SOD3: variants seen among roughly 807,000 people sequenced by gnomAD.
SOD3 encodes superoxide dismutase 3.
Under a neutral mutation model 2.6 loss-of-function variants are expected in SOD3, and 3 were observed. The observed-to-expected ratio is 1.13, with a 90% CI of 0.52 to 2.93. SOD3 has a LOEUF of 2.93. SOD3 is among the 30% of genes most tolerant of loss of function. SOD3 has a pLI of 0.04. For missense variants in SOD3, 379 were observed against 370.4 expected, an observed-to-expected ratio of 1.02 and a Z score of -0.19; for synonymous variants, 188 against 177.5, an observed-to-expected ratio of 1.06 and a Z score of -0.47.
chr4:24,796,460 T>TTC (rs1320686794), intron 1 of SOD3, among the ~76,000 whole-genome samples: 1 of 140,646 alleles, frequency 7.1e-6, no homozygotes, highest in Non-Finnish European at 1.5e-5. Flanking sequence ...TTTTTTTTTT[T>TTC]TGAGACATGG....
Position 24,799,869 on chromosome 4 carries a change from C to T in SOD3, c.348C>T (p.His116=), listed in dbSNP as rs766606372. The change falls in exon 2 of 2, where the codon CAC becomes CAT. Residue 116 remains histidine (H), a synonymous_variant. Coordinates refer to ENST00000382120, the MANE Select transcript of SOD3 (RefSeq NM_003102.4). ...PNSSSRAIHV[H]QFGDLSQGCE... ...GCTCCAGCCGCGCCATCCACGTGCA[C>T]CAGTTCGGGGACCTGAGCCAGGGCT... 8.7e-6 allele frequency: 14 copies of T among 1,602,850 alleles called. No homozygotes were observed. Among genetic ancestry groups the T allele is most frequent in the Admixed American group, 3.3e-5 (2 of 59,918 alleles).
At chr4:24,795,758 T>TC (rs1713637240) in intron 1 of SOD3, 107 bp downstream of exon 1, 1 of 152,426 alleles carries the variant, frequency 6.6e-6, no homozygotes, top group Non-Finnish European at 1.5e-5. Flanking sequence ...TGGATCATCT[T>TC]CTTGGGAAGG....
At chr4:24,796,435 CTTTTTTT>C (rs34368349) in intron 1 of SOD3, among the ~76,000 whole-genome samples, 12 of 71,976 alleles carry the variant, frequency 1.7e-4, no homozygotes, top group Non-Finnish European at 2.0e-4. Context: ...TCCTTCTTCT[CTTTTTTT>C]TTTTTTTTTT....
chr4:24,796,084 C>G (rs146325979), intron 1 of SOD3, among the ~76,000 whole-genome samples: 44 of 152,284 alleles, frequency 2.9e-4, no homozygotes, highest in African/African-American at 9.9e-4. Context: ...AGGGATGAAA[C>G]ACACCCAAGG....
intron 1 of SOD3, among the ~76,000 whole-genome samples, chr4:24,798,997 T>C (rs1052673866): frequency 2.0e-5 from 3 of 152,178 alleles, no homozygotes; most frequent in African/African-American, 7.2e-5. Context: ...TGAGTTTCTG[T>C]CTTCAAGAAG....
chr4:24,800,257 C>G lies in SOD3; in HGVS notation c.*13C>G. 1 of 1,383,522 alleles carries G rather than the reference C, an allele frequency of 7.2e-7. No individual in the cohort carries two copies. Among genetic ancestry groups the G allele is most frequent in the South Asian group, 1.7e-5 (1 of 58,124 alleles). 85.7% of individuals were successfully genotyped at this position (1,383,522 alleles called of 1,614,324 possible). A position where few individuals can be genotyped will look rare whatever the true frequency, so the allele number is the denominator to read the frequency against. ...CAAGGCCGCCTGAGCGCGGCCCCCA[C>G]CCGGCGGCGGCCAGGGACCCCCGAG... On this transcript the variant is annotated 3_prime_UTR_variant, in exon 2 of 2. Transcript: ENST00000382120.
In SOD3 at chr4:24,800,250, G is replaced by A; in HGVS notation, c.*6G>A. 7.2e-7 allele frequency: 1 copy of A among 1,385,974 alleles called. No homozygotes were observed. Among genetic ancestry groups the A allele is most frequent in the South Asian group, 1.7e-5 (1 of 58,620 alleles). 85.9% of individuals were successfully genotyped at this position (1,385,974 alleles called of 1,614,324 possible). A position where few individuals can be genotyped will look rare whatever the true frequency, so the allele number is the denominator to read the frequency against. On this transcript the variant is annotated 3_prime_UTR_variant, in exon 2 of 2. Coordinates refer to ENST00000382120, the MANE Select transcript of SOD3 (RefSeq NM_003102.4). ...GCGAGTGCAAGGCCGCCTGAGCGCG[G>A]CCCCCACCCGGCGGCGGCCAGGGAC...
chr4:24,797,763 C>T (rs1161205865), intron 1 of SOD3, among the ~76,000 whole-genome samples: 1 of 152,202 alleles, frequency 6.6e-6, no homozygotes, highest in Non-Finnish European at 1.5e-5. Flanking sequence ...TTATATAAAG[C>T]ATATCTACCC....
chr4:24,799,731 G>C lies in SOD3; in HGVS notation c.210G>C (p.Thr70=). ...CCTGCCAGGTGCAGCCGTCGGCCACGCTGGACGCCGCGCAGCCCCGGGTGA... is the reference window on the plus strand; with the variant it reads ...CCTGCCAGGTGCAGCCGTCGGCCACCCTGGACGCCGCGCAGCCCCGGGTGA... The part of the protein sequence containing the change: ...HAACQVQPSA[T]LDAAQPRVTG... Residue 70 remains threonine (T), a synonymous_variant, in exon 2 of 2, where the codon ACG becomes ACC. Transcript: ENST00000382120. 6 of 1,562,916 alleles carry C rather than the reference G, an allele frequency of 3.8e-6. No individual in the cohort carries two copies. Among genetic ancestry groups the C allele is most frequent in the Non-Finnish European group, 4.3e-6 (5 of 1,159,712 alleles).
chr4:24,796,448 T>TTC (rs1713664225), intron 1 of SOD3, among the ~76,000 whole-genome samples: 1 of 131,288 alleles, frequency 7.6e-6, no homozygotes, highest in Non-Finnish European at 1.6e-5. Context: ...TTTTTTTTTT[T>TTC]TTTTTTTTTT....
intron 1 of SOD3, among the ~76,000 whole-genome samples, chr4:24,796,324 T>C (rs1417701655): frequency 6.6e-6 from 1 of 151,940 alleles, no homozygotes; most frequent in African/African-American, 2.4e-5. Flanking sequence ...AAGAATCAAG[T>C]TGGTCCCGAG....
rs1262518671 is a variant in SOD3, at chr4:24,795,611, C to T, written c.-57C>T. 7.2e-5 allele frequency: 11 copies of T among 152,344 alleles called. No homozygotes were observed. Among genetic ancestry groups the T allele is most frequent in the Admixed American group, 3.3e-4 (5 of 15,280 alleles). 9.4% of individuals were successfully genotyped at this position (152,344 alleles called of 1,614,324 possible). ...GTTCCTGGGCTGGCTGGGTGCAGCT[C>T]TCTTTTCAGGAGAGAAAGCTCTCTT... On this transcript the variant is annotated 5_prime_UTR_variant, in exon 1 of 2. Transcript: ENST00000382120.
intron 1 of SOD3, among the ~76,000 whole-genome samples, chr4:24,799,136 G>A (rs931841936): frequency 1.3e-5 from 2 of 152,268 alleles, no homozygotes; most frequent in African/African-American, 4.8e-5. Flanking sequence ...TGGAGGAAGA[G>A]GGTAACAGGA....
Position 24,800,048 on chromosome 4 carries a change from G to A in SOD3, c.527G>A (p.Arg176Gln). The A allele has an allele frequency of 1.4e-6, 2 of 1,471,638 alleles. No homozygotes were observed. The highest frequency in any genetic ancestry group is 5.6e-5 in the East Asian group (2 of 35,742). 91.2% of individuals were successfully genotyped at this position (1,471,638 alleles called of 1,614,324 possible). ...GCGGGCCCGCACTCCATCGTGGGCCGGGCCGTGGTCGTCCACGCTGGCGAG... is the reference window on the plus strand; with the variant it reads ...GCGGGCCCGCACTCCATCGTGGGCCAGGCCGTGGTCGTCCACGCTGGCGAG... ...SLAGPHSIVG[R>Q]AVVVHAGEDD... is the part of the protein sequence containing the mutation. The change falls in exon 2 of 2, where the codon CGG becomes CAG. Residue 176 changes from arginine (R) to glutamine (Q), a missense_variant. Physicochemically the swap from Arg to Gln is conservative, Grantham distance 43. Transcript: ENST00000382120.
chr4:24,800,343 C>T lies in SOD3; in HGVS notation c.*99C>T. The T allele has an allele frequency of 5.8e-6, 7 of 1,207,670 alleles. No individual in the cohort carries two copies. The highest frequency in any genetic ancestry group is 6.4e-6 in the Non-Finnish European group (6 of 934,902). The allele number at this position is 1,207,670 out of a possible 1,614,324, so 74.8% of individuals were successfully genotyped here. On this transcript the variant is annotated 3_prime_UTR_variant, in exon 2 of 2. Transcript: ENST00000382120. ...ACAGACACCCTCCACTCTGAGGTCT[C>T]ACCTTCGCCTTTGCTGAAGTCTCCC...
Position 24,799,913 on chromosome 4 carries a change from A to T in SOD3, c.392A>T (p.His131Leu). ...CAGGGCTGCGAGTCCACCGGGCCCCACTACAACCCGCTGGCCGTGCCGCAC... is the reference window on the plus strand; with the variant it reads ...CAGGGCTGCGAGTCCACCGGGCCCCTCTACAACCCGCTGGCCGTGCCGCAC... ...LSQGCESTGP[H>L]YNPLAVPHPQ... Residue 131 changes from histidine to leucine, a missense_variant, in exon 2 of 2, where the codon CAC (histidine) becomes CTC (leucine). His to Leu is a moderately conservative substitution (Grantham distance 99). Coordinates refer to ENST00000382120, the MANE Select transcript of SOD3 (RefSeq NM_003102.4). The T allele has an allele frequency of 6.3e-7, 1 of 1,599,726 alleles. No homozygotes were observed.
At position 24,800,007 on chromosome 4, in the gene SOD3, C is replaced by T; in HGVS notation, c.486C>T (p.Gly162=). Residue 162 remains glycine, a synonymous_variant, in exon 2 of 2, where the codon GGC becomes GGT. Transcript: ENST00000382120. ...GCAGCCTCTGGAGGTACCGCGCCGG[C>T]CTGGCCGCCTCGCTCGCGGGCCCGC... ...RDGSLWRYRA[G]LAASLAGPHS... is the part of the protein sequence containing the mutation. 2.6e-6 allele frequency: 4 copies of T among 1,554,554 alleles called. No homozygotes were observed. Among genetic ancestry groups the T allele is most frequent in the Non-Finnish European group, 3.4e-6 (4 of 1,160,212 alleles).
chr4:24,797,185 T>G (rs899596422), intron 1 of SOD3, among the ~76,000 whole-genome samples: 1 of 152,136 alleles, frequency 6.6e-6, no homozygotes, highest in Non-Finnish European at 1.5e-5. Context: ...CTCTCTCTGA[T>G]AGCTAAGAGC....
Position 24,799,627 on chromosome 4 carries a change from C to T in SOD3, c.106C>T (p.Arg36Ter), listed in dbSNP as rs953258602. ...EPNSDSAEWI[R>*]DMYAKVTEIW... ...CAACTCTGACTCGGCGGAGTGGATC[C>T]GAGACATGTACGCCAAGGTCACGGA... Residue 36 changes from arginine to a stop codon, truncating the protein, a stop_gained, in exon 2 of 2, where the codon CGA (arginine) becomes TGA (stop). Transcript: ENST00000382120. LOFTEE classifies it low-confidence loss of function (END_TRUNC). The T allele has an allele frequency of 3.7e-6, 6 of 1,604,856 alleles. No individual in the cohort carries two copies. The highest frequency in any genetic ancestry group is 3.4e-6 in the Non-Finnish European group (4 of 1,178,456).
Sources: gnomAD v4.1 joint callset for allele counts (sites outside exome capture counted in the v4.1 genomes callset) on GRCh38, gnomAD v4.1.1 for gene constraint, MANE v1.5 for transcripts, NCBI Gene and HGNC (gene_info 2026-07-23, HGNC 2026-07-21) for gene names.